AUTS2: variants seen among roughly 807,000 people sequenced by gnomAD.
AUTS2 encodes the protein autism susceptibility gene 2 protein.
Under a neutral mutation model 112.4 loss-of-function variants are expected in AUTS2, and 17 were observed. The ratio of observed to expected loss-of-function variants is 0.15; its 90% CI spans 0.10 to 0.23. AUTS2 has a LOEUF of 0.23. AUTS2 is among the 10% of genes least tolerant of loss of function. AUTS2 has a pLI of 1.00. For synonymous variants in AUTS2, 751 were observed against 702.7 expected (o/e 1.07, Z -1.09); for missense variants, 1,510 against 1,701.6 (o/e 0.89, Z 1.98).
At chr7:70,197,392 G>C (rs1486674919) in intron 4 of AUTS2, among the ~76,000 whole-genome samples, 1 of 151,222 alleles carries the variant, frequency 6.6e-6, no homozygotes, top group Non-Finnish European at 1.5e-5. Flanking sequence ...CGTGAGCGAC[G>C]CAGAAGACGG....
intron 4 of AUTS2, among the ~76,000 whole-genome samples, chr7:70,347,123 C>T (rs1025323484): frequency 6.6e-6 from 1 of 152,172 alleles, no homozygotes; most frequent in Non-Finnish European, 1.5e-5. Flanking sequence ...CCTCCGTTTA[C>T]ACTGTCTCTT....
At chr7:69,663,296 G>A (rs984972344) in intron 1 of AUTS2, 3 of 152,028 alleles carry the variant, frequency 2.0e-5, no homozygotes, top group African/African-American at 7.2e-5. Context: ...CTTTATTTAT[G>A]CTTTAAACAT....
intron 2 of AUTS2, among the ~76,000 whole-genome samples, chr7:69,976,131 A>C (rs1798050648): frequency 6.6e-6 from 1 of 152,044 alleles, no homozygotes; most frequent in South Asian, 2.1e-4. Context: ...CAAATCTGAA[A>C]CTCTTTACCC....
chr7:70,426,165 TG>T (rs1365038222), intron 4 of AUTS2, among the ~76,000 whole-genome samples: 1 of 152,198 alleles, frequency 6.6e-6, no homozygotes, highest in African/African-American at 2.4e-5. Flanking sequence ...CAAGAGCTGT[TG>T]GCATCTTGGT....
chr7:70,605,665 T>C (rs908632702), intron 5 of AUTS2, among the ~76,000 whole-genome samples: 2 of 151,716 alleles, frequency 1.3e-5, no homozygotes, highest in Non-Finnish European at 2.9e-5. Context: ...AATCAGTTTG[T>C]CTGAGGTCAT....
chr7:70,341,689 A>G (rs1366993958), intron 4 of AUTS2, among the ~76,000 whole-genome samples: 1 of 152,248 alleles, frequency 6.6e-6, no homozygotes, highest in African/African-American at 2.4e-5. Flanking sequence ...AACCAATCTA[A>G]TGCTCAGAAA....
At chr7:70,216,868 G>A (rs1426318085) in intron 4 of AUTS2, among the ~76,000 whole-genome samples, 1 of 152,122 alleles carries the variant, frequency 6.6e-6, no homozygotes, top group Non-Finnish European at 1.5e-5. Flanking sequence ...GAGAACCCCA[G>A]ACTAAGACAA....
At chr7:69,763,145 G>A (rs544297410) in intron 1 of AUTS2, among the ~76,000 whole-genome samples, 19 of 152,214 alleles carry the variant, frequency 1.2e-4, no homozygotes, top group African/African-American at 3.9e-4. Context: ...TTAATAAGGC[G>A]GTTTAAAAAT....
intron 13 of AUTS2, 129 bp from the exon 14 acceptor site, chr7:70,776,974 G>A: frequency 2.5e-6 from 2 of 799,230 alleles, no homozygotes. Flanking sequence ...GGCACTTGGA[G>A]AGTACAAAGC....
chr7:70,163,184 G>A lies in AUTS2; in HGVS notation c.660+28613G>A, dbSNP rs1017883536. Among the ~76,000 whole-genome samples, 16 of 152,044 alleles carry A rather than the reference G, an allele frequency of 1.1e-4. 1 individual carries two copies. Among genetic ancestry groups the A allele is most frequent in the Admixed American group, 1.0e-3 (16 of 15,280 alleles). On this transcript the variant is annotated intron_variant, in intron 4 of 18. Coordinates refer to ENST00000342771, the MANE Select transcript of AUTS2 (RefSeq NM_015570.4). Reference sequence around the variant, plus strand: ...TAGATAAGTTAACTGAGGCTGGAATGGGACAGCATAGTTCATATGTTTAAA... The same window carrying A: ...TAGATAAGTTAACTGAGGCTGGAATAGGACAGCATAGTTCATATGTTTAAA...
intron 5 of AUTS2, among the ~76,000 whole-genome samples, chr7:70,477,151 C>T (rs1797613334): frequency 6.6e-6 from 1 of 152,214 alleles, no homozygotes; most frequent in Non-Finnish European, 1.5e-5. Flanking sequence ...TTCATCAGAA[C>T]AATTATGTCC....
Position 69,598,547 on chromosome 7 carries a change from GGCGGCGGCAGCAGCAGCAGCGTTA to G in AUTS2, c.-1098_-1075del. ...TCCGGCTCGGGGCTTTCTCGGCGGC[GGCGGCGGCAGCAGCAGCAGCGTTA>G]GCGGCGGCGGCGAGAGCAGCGTTCC... On this transcript the variant is annotated 5_prime_UTR_variant, in exon 1 of 19. Transcript: ENST00000342771. 5.8e-6 allele frequency: 1 copy of G among 172,384 alleles called. No individual in the cohort carries two copies. Among genetic ancestry groups the G allele is most frequent in the South Asian group, 1.2e-4 (1 of 8,680 alleles). The allele number at this position is 172,384 out of a possible 1,614,324, so 10.7% of individuals were successfully genotyped here. A position where few individuals can be genotyped will look rare whatever the true frequency, so the allele number is the denominator to read the frequency against.
At chr7:70,285,525 A>G (rs779627347) in intron 4 of AUTS2, among the ~76,000 whole-genome samples, 3 of 152,188 alleles carry the variant, frequency 2.0e-5, no homozygotes, top group Non-Finnish European at 4.4e-5. Flanking sequence ...TGTTGAGACA[A>G]TTTATTTTAA....
intron 2 of AUTS2, among the ~76,000 whole-genome samples, chr7:69,978,402 C>T (rs1234600370): frequency 6.6e-6 from 1 of 152,148 alleles, no homozygotes; most frequent in Non-Finnish European, 1.5e-5. Flanking sequence ...TTAGCCATTT[C>T]AGCCAGAAGA....
At chr7:70,604,794 C>A (rs779401780) in intron 5 of AUTS2, among the ~76,000 whole-genome samples, 46 of 152,248 alleles carry the variant, frequency 3.0e-4, no homozygotes, top group Non-Finnish European at 4.8e-4. Flanking sequence ...GTACCTTCCA[C>A]CATGTGGCAT....
intron 1 of AUTS2, among the ~76,000 whole-genome samples, chr7:69,755,240 G>A (rs1476266302): frequency 6.6e-6 from 1 of 152,162 alleles, no homozygotes; most frequent in Non-Finnish European, 1.5e-5. Context: ...TATAGACTAG[G>A]GAAACTATCA....
At chr7:69,882,150 CAAAAAAAAAAAAA>C (rs57238970) in intron 1 of AUTS2, among the ~76,000 whole-genome samples, 1 of 57,134 alleles carries the variant, frequency 1.8e-5, no homozygotes, top group Non-Finnish European at 3.3e-5. Context: ...AACTCTGTCT[CAAAAAAAAAAAAA>C]AAAAAAAAAA....
At chr7:70,415,207 C>T (rs553277490) in intron 4 of AUTS2, among the ~76,000 whole-genome samples, 7 of 152,302 alleles carry the variant, frequency 4.6e-5, no homozygotes, top group South Asian at 4.1e-4. Context: ...GCCTTCATGA[C>T]AAAGATGAAA....
chr7:70,623,801 A>G (rs541551680), intron 5 of AUTS2, among the ~76,000 whole-genome samples: 4 of 152,318 alleles, frequency 2.6e-5, no homozygotes, highest in African/African-American at 7.2e-5. Flanking sequence ...TCTCATCACA[A>G]TGAGGGCCAT....
Sources: gnomAD v4.1 joint callset for allele counts (sites outside exome capture counted in the v4.1 genomes callset) on GRCh38, gnomAD v4.1.1 for gene constraint, MANE v1.5 for transcripts, NCBI Gene and HGNC (gene_info 2026-07-23, HGNC 2026-07-21) for gene names.